FHOD3: variants seen among roughly 807,000 people sequenced by gnomAD.
The protein encoded by FHOD3 is formin homology 2 domain containing 3, also known as FH1/FH2 domain-containing protein 3.
A neutral mutation model predicts 173.0 loss-of-function variants in FHOD3; 90 were observed. The ratio of observed to expected loss-of-function variants is 0.52; its 90% confidence interval spans 0.44 to 0.62. The LOEUF is 0.62. FHOD3 is among the 20% of genes least tolerant of loss of function. FHOD3 has a pLI of 0.00. For synonymous variants in FHOD3, 828 were observed against 823.0 expected, an observed-to-expected ratio of 1.01 and a Z score of -0.10; for missense variants, 1,945 against 2,034.7, an observed-to-expected ratio of 0.96 and a Z score of 0.85.
At chr18:36,685,261 G>A (rs2038529798) in intron 15 of FHOD3, among the ~76,000 whole-genome samples, 1 of 152,172 alleles carries the variant, frequency 6.6e-6, no homozygotes, top group Non-Finnish European at 1.5e-5. Flanking sequence ...AGAACACAGA[G>A]AGACCTTGGC....
intron 3 of FHOD3, among the ~76,000 whole-genome samples, chr18:36,460,033 G>A (rs142715792): frequency 4.3e-4 from 66 of 152,278 alleles, no homozygotes; most frequent in Middle Eastern, 6.8e-3. Flanking sequence ...TCCCTCGATT[G>A]TGATTTGTCT....
intron 1 of FHOD3, among the ~76,000 whole-genome samples, chr18:36,298,234 G>A (rs2091855027): frequency 6.6e-6 from 1 of 151,940 alleles, no homozygotes; most frequent in Admixed American, 6.5e-5. Flanking sequence ...CCGGGGGCGG[G>A]CGTGGCAGAG....
chr18:36,302,485 G>A (rs9956546), intron 1 of FHOD3, among the ~76,000 whole-genome samples: 31,585 of 152,052 alleles, frequency 0.21, 4,071 homozygotes, highest in East Asian at 0.43. Flanking sequence ...ATGGATTACA[G>A]GTGATTTAGG....
rs116182095 is a variant in FHOD3 at position 36,725,907 on chromosome 18, A to G, written c.3418-4739A>G. 2.7e-3 allele frequency among the ~76,000 whole-genome samples: 408 copies of G among 152,184 alleles called. 1 individual carries two copies. The highest frequency in any genetic ancestry group is 9.3e-3 in the African/African-American group (387 of 41,524). On this transcript the variant is annotated intron_variant, in intron 19 of 28. Coordinates refer to ENST00000590592, the MANE Select transcript of FHOD3 (RefSeq NM_001281740.3). ...TCTATTCTGTTCTATTATTCCAACT[A>G]TTCTAGGGCCAGTGCTATATAGCTG... is the stretch of plus-strand genomic sequence containing the variant.
At chr18:36,322,687 A>G (rs1465706026) in intron 1 of FHOD3, among the ~76,000 whole-genome samples, 2 of 152,156 alleles carry the variant, frequency 1.3e-5, no homozygotes, top group Non-Finnish European at 1.5e-5. Flanking sequence ...CTTAGCTGCT[A>G]GTGACCTGGT....
chr18:36,611,768 A>G (rs911456937), intron 8 of FHOD3, among the ~76,000 whole-genome samples, 184 bp from the exon 9 acceptor site: 2 of 152,174 alleles, frequency 1.3e-5, no homozygotes, highest in Admixed American at 6.5e-5. Context: ...AGAGGGGAGA[A>G]TATTGGGGTT....
chr18:36,621,818 T>G (rs1200137273), intron 9 of FHOD3, among the ~76,000 whole-genome samples: 2 of 152,126 alleles, frequency 1.3e-5, no homozygotes, highest in Non-Finnish European at 2.9e-5. Context: ...CACCATATGA[T>G]CCAGCAGTCC....
At chr18:36,570,844 A>T (rs1340451513) in intron 5 of FHOD3, among the ~76,000 whole-genome samples, 1 of 152,166 alleles carries the variant, frequency 6.6e-6, no homozygotes, top group East Asian at 1.9e-4. Context: ...CTCTTAGCAG[A>T]CTAGAAATTG....
chr18:36,773,788 G>A (rs2043502541), intron 28 of FHOD3, among the ~76,000 whole-genome samples: 1 of 152,130 alleles, frequency 6.6e-6, no homozygotes, highest in Admixed American at 6.5e-5. Context: ...CCACCACACT[G>A]TCCACTTCAC....
intron 3 of FHOD3, among the ~76,000 whole-genome samples, chr18:36,416,591 G>A (rs939792006): frequency 2.6e-5 from 4 of 152,150 alleles, no homozygotes; most frequent in Non-Finnish European, 4.4e-5. Context: ...ATGTAATTTT[G>A]ATTTGTGAGG....
intron 3 of FHOD3, among the ~76,000 whole-genome samples, chr18:36,449,290 GTTATTC>G (rs148147246): frequency 0.054 from 8,225 of 152,014 alleles, 600 homozygotes; most frequent in East Asian, 0.26. Flanking sequence ...TTAAATATTT[GTTATTC>G]TTATGAAGTA....
chr18:36,777,423 C>A (rs1200011437), intron 28 of FHOD3, among the ~76,000 whole-genome samples: 1 of 151,992 alleles, frequency 6.6e-6, no homozygotes, highest in Non-Finnish European at 1.5e-5. Flanking sequence ...AAGCTGCTGA[C>A]CTCAAGTGAT....
At chr18:36,353,314 A>C (rs2046218553) in intron 1 of FHOD3, among the ~76,000 whole-genome samples, 2 of 152,258 alleles carry the variant, frequency 1.3e-5, no homozygotes, top group Admixed American at 6.5e-5. Flanking sequence ...GTAATAAAGA[A>C]GAAATTCCTT....
intron 16 of FHOD3, among the ~76,000 whole-genome samples, chr18:36,687,551 C>T (rs370372578): frequency 6.6e-6 from 1 of 152,182 alleles, no homozygotes; most frequent in East Asian, 1.9e-4. Context: ...CCACACTGTG[C>T]CAGGCAGCAG....
intron 6 of FHOD3, among the ~76,000 whole-genome samples, chr18:36,585,935 A>G (rs2059011617): frequency 6.6e-6 from 1 of 152,198 alleles, no homozygotes; most frequent in Non-Finnish European, 1.5e-5. Context: ...CAAGAGTACC[A>G]GAAGCAGCAC....
chr18:36,450,033 A>G (rs2051732201), intron 3 of FHOD3, among the ~76,000 whole-genome samples: 2 of 152,082 alleles, frequency 1.3e-5, no homozygotes, highest in Non-Finnish European at 1.5e-5. Flanking sequence ...GGAGCGGTAT[A>G]CACTGTAGCC....
chr18:36,687,237 C>A, intron 16 of FHOD3, 59 bp downstream of exon 16: 1 of 1,250,400 alleles, frequency 8.0e-7, no homozygotes, highest in Non-Finnish European at 1.2e-6. Flanking sequence ...CACTGTTAAC[C>A]TAGCATGCAG....
intron 14 of FHOD3, among the ~76,000 whole-genome samples, chr18:36,677,504 A>C (rs895265183): frequency 6.6e-6 from 1 of 152,172 alleles, no homozygotes; most frequent in African/African-American, 2.4e-5. Context: ...TAAACAGTCC[A>C]TCACTTCCCC....
chr18:36,492,513 C>T (rs777885668), intron 3 of FHOD3, among the ~76,000 whole-genome samples: 8 of 152,274 alleles, frequency 5.3e-5, no homozygotes, highest in Middle Eastern at 3.4e-3. Flanking sequence ...GATAAACCAA[C>T]GGCTGAGACT....
Sources: gnomAD v4.1 joint callset for allele counts (sites outside exome capture counted in the v4.1 genomes callset) on GRCh38, gnomAD v4.1.1 for gene constraint, MANE v1.5 for transcripts, NCBI Gene and HGNC (gene_info 2026-07-23, HGNC 2026-07-21) for gene names.